RAPGEF5: variants seen among roughly 807,000 people sequenced by gnomAD.
RAPGEF5 encodes the protein M-Ras-regulated GEF.
A neutral mutation model predicts 125.2 loss-of-function variants in RAPGEF5; 65 were observed. That is an observed-to-expected ratio of 0.52 (90% CI 0.43 to 0.64). The LOEUF (loss-of-function observed/expected upper bound fraction) is 0.64. Ranked by LOEUF, RAPGEF5 falls within the 30% of genes least tolerant of loss-of-function variation. The pLI, the probability that RAPGEF5 is intolerant of heterozygous loss-of-function variation, is 0.00. For synonymous variants in RAPGEF5, 391 were observed against 385.9 expected (o/e 1.01, Z -0.16); for missense variants, 958 against 1,048.1 (o/e 0.91, Z 1.19).
rs78126511 is a variant in RAPGEF5 at position 22,129,640 on chromosome 7, C to T, written c.2481+1397G>A. 7.9e-3 allele frequency among the ~76,000 whole-genome samples: 1,202 copies of T among 152,230 alleles called. 20 individuals carry two copies. The highest frequency in any genetic ancestry group is 0.027 in the African/African-American group (1,142 of 41,534). On this transcript the variant is annotated intron_variant, in intron 24 of 25. Coordinates refer to ENST00000665637, the MANE Select transcript of RAPGEF5 (RefSeq NM_012294.5). ...ACGTACAAAAAAATAACACTTTATC[C>T]ATTTCTGGCTCTGTTGGTTTGACTG...
rs1782598577 is a variant in RAPGEF5 at position 22,122,154 on chromosome 7, C to T, written c.*252G>A. 2 of 434,480 alleles carry T rather than the reference C, an allele frequency of 4.6e-6. No individual in the cohort carries two copies. Among genetic ancestry groups the T allele is most frequent in the Non-Finnish European group, 8.5e-6 (2 of 235,982 alleles). 26.9% of individuals were successfully genotyped at this position (434,480 alleles called of 1,614,324 possible). On this transcript the variant is annotated 3_prime_UTR_variant, in exon 26 of 26. Coordinates refer to ENST00000665637, the MANE Select transcript of RAPGEF5 (RefSeq NM_012294.5). Reference sequence around the variant, plus strand: ...AACAATGTGATCATAAGAAACCAGCCTTCTCCATCTCAAGAATGCTTCTGA... The same window carrying T: ...AACAATGTGATCATAAGAAACCAGCTTTCTCCATCTCAAGAATGCTTCTGA...
At chr7:22,242,538 A>G (rs533242579) in intron 7 of RAPGEF5, among the ~76,000 whole-genome samples, 106 of 152,332 alleles carry the variant, frequency 7.0e-4, no homozygotes, top group African/African-American at 2.5e-3. Context: ...GGGCAGAGTG[A>G]CTGGCATGGT....
intron 11 of RAPGEF5, among the ~76,000 whole-genome samples, chr7:22,179,083 G>T (rs1784595209): frequency 6.6e-6 from 1 of 152,074 alleles, no homozygotes; most frequent in Admixed American, 6.6e-5. Flanking sequence ...AAATTCCATG[G>T]TTTTAAGAGC....
chr7:22,128,729 G>T (rs992303976), intron 24 of RAPGEF5, among the ~76,000 whole-genome samples: 1 of 152,194 alleles, frequency 6.6e-6, no homozygotes, highest in Non-Finnish European at 1.5e-5. Flanking sequence ...TGGACCAGGA[G>T]CTCACTAGTC....
intron 11 of RAPGEF5, among the ~76,000 whole-genome samples, chr7:22,189,136 C>T (rs1784913505): frequency 1.3e-5 from 2 of 148,988 alleles, no homozygotes; most frequent in South Asian, 2.1e-4. Context: ...TTACCTATTC[C>T]TACTATTCTA....
At chr7:22,194,287 G>A (rs1214220240) in intron 9 of RAPGEF5, among the ~76,000 whole-genome samples, 1 of 152,278 alleles carries the variant, frequency 6.6e-6, no homozygotes, top group East Asian at 1.9e-4. Flanking sequence ...AAAACAAAGT[G>A]GAGGTGGAAT....
intron 7 of RAPGEF5, among the ~76,000 whole-genome samples, chr7:22,234,833 AAAC>A (rs1233972443): frequency 6.6e-6 from 1 of 152,066 alleles, no homozygotes. Flanking sequence ...ACAAACAAAC[AAAC>A]AACAACAACA....
intron 8 of RAPGEF5, among the ~76,000 whole-genome samples, chr7:22,223,314 T>C (rs753539290): frequency 5.3e-5 from 8 of 152,080 alleles, no homozygotes; most frequent in Admixed American, 1.3e-4. Context: ...TCAAACAAGA[T>C]GGGCTCAAAA....
chr7:22,322,692 A>C (rs948530113), intron 1 of RAPGEF5, among the ~76,000 whole-genome samples: 1 of 152,180 alleles, frequency 6.6e-6, no homozygotes, highest in African/African-American at 2.4e-5. Context: ...AGTATCGGCT[A>C]GACCCAGCAG....
intron 25 of RAPGEF5, among the ~76,000 whole-genome samples, chr7:22,123,215 C>T (rs1051030027): frequency 1.3e-5 from 2 of 152,118 alleles, no homozygotes; most frequent in African/African-American, 2.4e-5. Context: ...GTCAAGGAAT[C>T]GAGGGGCCAA....
chr7:22,132,008 T>C lies in RAPGEF5; in HGVS notation c.2417-907A>G, dbSNP rs138073241. The stretch of plus-strand genomic sequence containing the variant: ...AATAAATATACTATAATTTAAAGCA[T>C]GTGCAAATAATCATGTTATATTACA... On this transcript the variant is annotated intron_variant, in intron 23 of 25. Transcript: ENST00000665637. Among the ~76,000 whole-genome samples, 561 of 152,246 alleles carry C rather than the reference T, an allele frequency of 3.7e-3. 3 individuals are homozygous for C. The highest frequency in any genetic ancestry group is 0.012 in the African/African-American group (485 of 41,544).
chr7:22,155,181 T>C (rs1783766120), intron 16 of RAPGEF5, among the ~76,000 whole-genome samples: 1 of 152,218 alleles, frequency 6.6e-6, no homozygotes, highest in Non-Finnish European at 1.5e-5. Flanking sequence ...ATGACTCCAT[T>C]TCTCCCATCA....
chr7:22,230,672 T>TAGG (rs1786034043), intron 8 of RAPGEF5, among the ~76,000 whole-genome samples, 174 bp downstream of exon 8: 1 of 152,222 alleles, frequency 6.6e-6, no homozygotes, highest in Admixed American at 6.5e-5. Context: ...ATTACCAATT[T>TAGG]AGGACCCTTT....
chr7:22,146,591 A>T (rs1783446670), intron 19 of RAPGEF5, among the ~76,000 whole-genome samples: 1 of 152,186 alleles, frequency 6.6e-6, no homozygotes, highest in Admixed American at 6.5e-5. Context: ...TCAATATCAA[A>T]GATAAAATGG....
At chr7:22,228,881 A>T (rs752853450) in intron 8 of RAPGEF5, among the ~76,000 whole-genome samples, 13 of 152,242 alleles carry the variant, frequency 8.5e-5, no homozygotes, top group Middle Eastern at 3.4e-3. Context: ...CAGCGCCCCT[A>T]GTCTTTACAT....
chr7:22,225,177 A>G (rs1297887291), intron 8 of RAPGEF5, among the ~76,000 whole-genome samples: 1 of 152,138 alleles, frequency 6.6e-6, no homozygotes, highest in Admixed American at 6.5e-5. Flanking sequence ...ATAGTAATAA[A>G]TAAATATGTA....
intron 9 of RAPGEF5, among the ~76,000 whole-genome samples, chr7:22,216,479 C>A (rs558380961): frequency 4.6e-5 from 7 of 152,302 alleles, no homozygotes; most frequent in African/African-American, 1.7e-4. Context: ...CCCCTGCCTT[C>A]TTCTATGACC....
In RAPGEF5 at chr7:22,355,386, G is replaced by T. The variant is rs569098031; in HGVS notation, c.231+1444C>A. ...CTGCCTGGCAGCCCTCATGTCTTCA[G>T]TATTCTGTGCCATGAAAAAGTAACC... On this transcript the variant is annotated intron_variant, in intron 1 of 25. Transcript: ENST00000665637. 4.6e-5 allele frequency among the ~76,000 whole-genome samples: 7 copies of T among 152,276 alleles called. No individual in the cohort carries two copies. In the East Asian group the frequency reaches 1.4e-3, roughly 29 times the overall value.
intron 6 of RAPGEF5, among the ~76,000 whole-genome samples, chr7:22,272,233 C>G (rs1782446586): frequency 6.6e-6 from 1 of 150,950 alleles, no homozygotes; most frequent in African/African-American, 2.4e-5. Context: ...ATCTCAGCTA[C>G]TCGGGAGGCC....
Sources: allele counts gnomAD v4.1 joint callset (sites outside exome capture counted in the v4.1 genomes callset), GRCh38; gene constraint gnomAD v4.1.1; transcripts MANE v1.5; gene names NCBI Gene and HGNC (gene_info 2026-07-23, HGNC 2026-07-21).